AXDND1: variants seen among roughly 807,000 people sequenced by gnomAD.
The protein encoded by AXDND1 is axonemal dynein light chain domain-containing protein 1.
Under a neutral mutation model 137.5 loss-of-function variants are expected in AXDND1, and 110 were observed. That is an observed-to-expected ratio of 0.80 (90% CI 0.69 to 0.94). The LOEUF (loss-of-function observed/expected upper bound fraction) is 0.94, where lower values mean the gene tolerates loss of function less well. Ranked by LOEUF, AXDND1 falls within the 40% of genes least tolerant of loss-of-function variation. The pLI is 0.00. For missense variants in AXDND1, 1,191 were observed against 1,169.8 expected, an observed-to-expected ratio of 1.02 and a Z score of -0.26; for synonymous variants, 414 against 399.7, an observed-to-expected ratio of 1.04 and a Z score of -0.43.
intron 25 of AXDND1, among the ~76,000 whole-genome samples, chr1:179,536,826 G>A (rs1671597860): frequency 6.6e-6 from 1 of 152,150 alleles, no homozygotes; most frequent in African/African-American, 2.4e-5. Context: ...TCACGATATT[G>A]ATTCTTCCTA....
chr1:179,519,569 G>A (rs751075579), intron 21 of AXDND1, among the ~76,000 whole-genome samples: 3 of 152,090 alleles, frequency 2.0e-5, no homozygotes, highest in Non-Finnish European at 2.9e-5. Flanking sequence ...TTTGTATATG[G>A]CATAAGGAAG....
chr1:179,532,987 T>C (rs1411341393), intron 23 of AXDND1: 4 of 152,100 alleles, frequency 2.6e-5, no homozygotes, highest in Non-Finnish European at 5.9e-5. Flanking sequence ...TATAGTGGTA[T>C]GATGGGATGT....
chr1:179,428,952 G>A (rs562985573), intron 12 of AXDND1, among the ~76,000 whole-genome samples: 1 of 151,708 alleles, frequency 6.6e-6, no homozygotes, highest in South Asian at 2.1e-4. Flanking sequence ...GCCGAGGCAG[G>A]CAGATCACGA....
intron 3 of AXDND1, 128 bp downstream of exon 3, chr1:179,369,100 AG>A: frequency 1.0e-6 from 1 of 974,824 alleles, no homozygotes; most frequent in Non-Finnish European, 1.5e-6. Flanking sequence ...TGATTGAGAC[AG>A]GGTCTTACTA....
At chr1:179,547,232 G>A (rs1423718313) in intron 25 of AXDND1, among the ~76,000 whole-genome samples, 2 of 152,200 alleles carry the variant, frequency 1.3e-5, no homozygotes, top group Non-Finnish European at 2.9e-5. Flanking sequence ...AAACTGCAGT[G>A]CTTGCTAGGT....
At chr1:179,489,741 C>CT (rs140787885) in intron 18 of AXDND1, among the ~76,000 whole-genome samples, 159 of 101,272 alleles carry the variant, frequency 1.6e-3, no homozygotes, top group South Asian at 7.2e-3. Flanking sequence ...TACTACTTTT[C>CT]TTTTTTTTTT....
At chr1:179,472,111 A>G (rs1320009118) in intron 17 of AXDND1, among the ~76,000 whole-genome samples, 1 of 152,086 alleles carries the variant, frequency 6.6e-6, no homozygotes, top group Non-Finnish European at 1.5e-5. Flanking sequence ...TGGCCAGGCT[A>G]GTCTCGAATT....
At position 179,554,705 on chromosome 1, in the gene AXDND1, G is replaced by A; in HGVS notation, c.*186G>A. On this transcript the variant is annotated 3_prime_UTR_variant, in exon 26 of 26. Coordinates refer to ENST00000367618, the MANE Select transcript of AXDND1 (RefSeq NM_144696.6). ...TGCAAAGAGTTGTTTAACTTGCATG[G>A]TGCCACCCAATAAATATCTGTGCAA... 1.3e-6 allele frequency: 1 copy of A among 794,778 alleles called. No individual in the cohort carries two copies. The highest frequency in any genetic ancestry group is 1.6e-5 in the South Asian group (1 of 62,634). The allele number at this position is 794,778 out of a possible 1,614,324, so 49.2% of individuals were successfully genotyped here. A position where few individuals can be genotyped will look rare whatever the true frequency, so the allele number is the denominator to read the frequency against.
intron 25 of AXDND1, among the ~76,000 whole-genome samples, chr1:179,538,989 G>T: frequency 6.6e-6 from 1 of 152,126 alleles, no homozygotes; most frequent in East Asian, 1.9e-4. Flanking sequence ...TTTAAAGTCA[G>T]TTTTATCAGA....
chr1:179,466,105 A>T (rs1287059994), intron 16 of AXDND1, among the ~76,000 whole-genome samples: 1 of 150,946 alleles, frequency 6.6e-6, no homozygotes, highest in Non-Finnish European at 1.5e-5. Flanking sequence ...TTCAGCTCAC[A>T]CTCCATGGGC....
Position 179,385,326 on chromosome 1 carries a change from G to A in AXDND1, c.830G>A (p.Cys277Tyr). Residue 277 changes from cysteine (C) to tyrosine (Y), a missense_variant, in exon 9 of 26, where the codon TGT becomes TAT. By Grantham distance (194) the Cys-to-Tyr change is radical. Transcript: ENST00000367618. ...CTTATTCGACAAGTCAGTGTGGACTGTGCAGACAGAGGAGAACTTCTGTCT... is the reference window on the plus strand; with the variant it reads ...CTTATTCGACAAGTCAGTGTGGACTATGCAGACAGAGGAGAACTTCTGTCT... The part of the protein sequence containing the change: ...HELIRQVSVD[C>Y]ADRGELLSKV... The A allele has an allele frequency of 6.2e-7, 1 of 1,614,020 alleles. No homozygotes were observed. Among genetic ancestry groups the A allele is most frequent in the Admixed American group, 1.7e-5 (1 of 60,014 alleles).
At chr1:179,438,832 T>C (rs1429720967) in intron 15 of AXDND1, among the ~76,000 whole-genome samples, 1 of 152,204 alleles carries the variant, frequency 6.6e-6, no homozygotes, top group Non-Finnish European at 1.5e-5. Flanking sequence ...TCGCTTACCA[T>C]TGCTATTATT....
At chr1:179,372,472 T>G (rs1410552518) in intron 4 of AXDND1, among the ~76,000 whole-genome samples, 1 of 152,226 alleles carries the variant, frequency 6.6e-6, no homozygotes, top group South Asian at 2.1e-4. Context: ...GCTTGAATTA[T>G]GAACTCAGTT....
In AXDND1 at chr1:179,380,731, T is replaced by A. The variant is rs1424292205; in HGVS notation, c.581+1249T>A. On this transcript the variant is annotated intron_variant, in intron 6 of 25. Coordinates refer to ENST00000367618, the MANE Select transcript of AXDND1 (RefSeq NM_144696.6). The stretch of plus-strand genomic sequence containing the variant: ...TATATTGCATTTCATTGTGATGGTA[T>A]GTTTCAGAACAATATTTTGCCCAAG... Among the ~76,000 whole-genome samples, 3 of 152,350 alleles carry A rather than the reference T, an allele frequency of 2.0e-5. No homozygotes were observed. In the East Asian group the frequency reaches 5.8e-4, roughly 29 times the overall value.
Position 179,383,977 on chromosome 1 carries a change from A to T in AXDND1, c.741+433A>T, listed in dbSNP as rs182950306. 3.5e-3 allele frequency among the ~76,000 whole-genome samples: 540 copies of T among 152,134 alleles called. 3 individuals are homozygous for T. The highest frequency in any genetic ancestry group is 0.012 in the African/African-American group (513 of 41,546). On this transcript the variant is annotated intron_variant, in intron 8 of 25. Coordinates refer to ENST00000367618, the MANE Select transcript of AXDND1 (RefSeq NM_144696.6). ...TGACCTCAAGTGATCTGCCCACCTCACCCTCCCAAAGTGCTGGGATTACAG... is the reference window on the plus strand; with the variant it reads ...TGACCTCAAGTGATCTGCCCACCTCTCCCTCCCAAAGTGCTGGGATTACAG...
At chr1:179,480,220 T>C (rs1665194913) in intron 17 of AXDND1, among the ~76,000 whole-genome samples, 1 of 152,168 alleles carries the variant, frequency 6.6e-6, no homozygotes, top group South Asian at 2.1e-4. Context: ...TGAGACTGGG[T>C]AATTTACAAA....
chr1:179,462,341 A>G (rs1040553655), intron 16 of AXDND1, among the ~76,000 whole-genome samples: 1 of 152,152 alleles, frequency 6.6e-6, no homozygotes, highest in Admixed American at 6.5e-5. Flanking sequence ...TATATGCTGG[A>G]TTACATTTAT....
At chr1:179,392,161 A>G (rs1650307892) in intron 9 of AXDND1, among the ~76,000 whole-genome samples, 1 of 152,172 alleles carries the variant, frequency 6.6e-6, no homozygotes, top group Non-Finnish European at 1.5e-5. Context: ...AGAGTCCATT[A>G]TATCATTCTT....
chr1:179,408,631 C>T (rs1321330702), intron 11 of AXDND1, among the ~76,000 whole-genome samples: 1 of 152,128 alleles, frequency 6.6e-6, no homozygotes, highest in African/African-American at 2.4e-5. Flanking sequence ...CCCACCTCGG[C>T]CTCCCAAAGT....
Sources: allele counts gnomAD v4.1 joint callset (sites outside exome capture counted in the v4.1 genomes callset), GRCh38; gene constraint gnomAD v4.1.1; transcripts MANE v1.5; gene names NCBI Gene and HGNC (gene_info 2026-07-23, HGNC 2026-07-21).